VPS41: variants seen among roughly 807,000 people sequenced by gnomAD.
VPS41 encodes vacuolar protein sorting-associated protein 41 homolog.
Under a neutral mutation model 130.9 loss-of-function variants are expected in VPS41, and 85 were observed. The observed-to-expected ratio is 0.65, with a 90% CI of 0.55 to 0.78. VPS41 has a LOEUF of 0.78. VPS41 is among the 30% of genes least tolerant of loss of function. The pLI, the probability that VPS41 is intolerant of heterozygous loss-of-function variation, is 0.00. For synonymous variants in VPS41, 335 were observed against 332.9 expected (o/e 1.01, Z -0.07); for missense variants, 874 against 1,018.7 (o/e 0.86, Z 1.93).
intron 2 of VPS41, among the ~76,000 whole-genome samples, chr7:38,873,473 A>T (rs1051846448): frequency 6.6e-6 from 1 of 152,134 alleles, no homozygotes; most frequent in East Asian, 1.9e-4. Flanking sequence ...GTTTTCATGC[A>T]GTTTGGACTT....
chr7:38,808,904 G>A (rs1220397633), intron 7 of VPS41, among the ~76,000 whole-genome samples: 1 of 152,206 alleles, frequency 6.6e-6, no homozygotes, highest in Non-Finnish European at 1.5e-5. Flanking sequence ...AAAAAGATTT[G>A]TAGCCAGGGG....
intron 2 of VPS41, among the ~76,000 whole-genome samples, chr7:38,895,951 C>T (rs933984844): frequency 1.3e-5 from 2 of 152,180 alleles, no homozygotes; most frequent in African/African-American, 4.8e-5. Context: ...CTCTTTATTT[C>T]TACCCAGTCT....
chr7:38,853,550 G>A (rs569332532), intron 4 of VPS41, among the ~76,000 whole-genome samples: 2 of 151,542 alleles, frequency 1.3e-5, no homozygotes, highest in Non-Finnish European at 2.9e-5. Context: ...AACTGCAAAG[G>A]TGGAGATTCC....
chr7:38,903,210 T>C (rs1340262911), intron 1 of VPS41, among the ~76,000 whole-genome samples: 1 of 152,198 alleles, frequency 6.6e-6, no homozygotes, highest in Non-Finnish European at 1.5e-5. Flanking sequence ...CCTAGAAGAC[T>C]TCTCTCATAC....
intron 7 of VPS41, among the ~76,000 whole-genome samples, chr7:38,813,816 A>C (rs1037510018): frequency 2.1e-4 from 32 of 152,284 alleles, no homozygotes; most frequent in African/African-American, 6.7e-4. Context: ...TGTTATATAC[A>C]TATAAACTTT....
At chr7:38,757,513 G>A (rs1320648528) in intron 18 of VPS41, among the ~76,000 whole-genome samples, 2 of 152,120 alleles carry the variant, frequency 1.3e-5, no homozygotes, top group South Asian at 2.1e-4. Context: ...GGTCCATTAC[G>A]AACGTGCTGC....
At chr7:38,872,591 T>C (rs1786393915) in intron 2 of VPS41, among the ~76,000 whole-genome samples, 1 of 152,170 alleles carries the variant, frequency 6.6e-6, no homozygotes, top group Non-Finnish European at 1.5e-5. Flanking sequence ...CAAGAATAAC[T>C]TTAAGAACTA....
chr7:38,859,468 T>C (rs967420217), intron 4 of VPS41, among the ~76,000 whole-genome samples: 1 of 152,152 alleles, frequency 6.6e-6, no homozygotes, highest in Non-Finnish European at 1.5e-5. Context: ...TGTACAGATG[T>C]ATCATTTGTC....
chr7:38,838,439 G>T (rs1288532119), intron 4 of VPS41, among the ~76,000 whole-genome samples: 1 of 152,170 alleles, frequency 6.6e-6, no homozygotes, highest in Admixed American at 6.5e-5. Context: ...ATAAATGTGG[G>T]AAAGTGAAAG....
intron 14 of VPS41, among the ~76,000 whole-genome samples, chr7:38,768,258 C>A (rs1340094945): frequency 6.6e-6 from 1 of 152,192 alleles, no homozygotes; most frequent in African/African-American, 2.4e-5. Context: ...CTTGCTTGAT[C>A]TCCCCATGAC....
At chr7:38,831,403 T>C (rs1053456626) in intron 4 of VPS41, 3 of 362,292 alleles carry the variant, frequency 8.3e-6, no homozygotes, top group African/African-American at 6.4e-5. Context: ...GTTCAACGAC[T>C]ACATGTGACT....
At chr7:38,842,762 A>G (rs757380898) in intron 4 of VPS41, among the ~76,000 whole-genome samples, 28 of 152,236 alleles carry the variant, frequency 1.8e-4, no homozygotes, top group Admixed American at 9.8e-4. Flanking sequence ...CAATGCAAGC[A>G]TCACCTCCTA....
intron 15 of VPS41, 52 bp from the exon 16 acceptor site, chr7:38,765,713 AAAAC>A (rs1784026465): frequency 8.4e-7 from 1 of 1,197,116 alleles, no homozygotes; most frequent in Non-Finnish European, 1.2e-6. Context: ...AAAAAAACAA[AAAAC>A]AAACAGAGAC....
intron 1 of VPS41, among the ~76,000 whole-genome samples, chr7:38,905,753 A>T (rs748804694): frequency 2.4e-4 from 37 of 152,112 alleles, no homozygotes; most frequent in Non-Finnish European, 4.6e-4. Context: ...TAAAAAGTTC[A>T]ATAGAACAGT....
At chr7:38,767,196 C>T (rs1784062585) in intron 15 of VPS41, among the ~76,000 whole-genome samples, 1 of 152,130 alleles carries the variant, frequency 6.6e-6, no homozygotes, top group Non-Finnish European at 1.5e-5. Flanking sequence ...CTCTTGTCTT[C>T]TGCCAGCAAC....
chr7:38,724,453 A>G lies in VPS41; in HGVS notation c.*1793T>C, dbSNP rs13243890. 2 of 152,354 alleles carry G rather than the reference A, an allele frequency of 1.3e-5. No individual in the cohort carries two copies. The highest frequency in any genetic ancestry group is 3.9e-4 in the East Asian group (2 of 5,190). 9.4% of individuals were successfully genotyped at this position (152,354 alleles called of 1,614,324 possible). A position where few individuals can be genotyped will look rare whatever the true frequency, so the allele number is the denominator to read the frequency against. ...CTGAGAAGGCTGAGGGGTACATTCA[A>G]TAATAACAAAGAGCCTTCCAGTTCT... On this transcript the variant is annotated 3_prime_UTR_variant, in exon 29 of 29. Transcript: ENST00000310301.
intron 17 of VPS41, among the ~76,000 whole-genome samples, chr7:38,761,243 TTC>T (rs55853941): frequency 1.1e-4 from 13 of 123,412 alleles, no homozygotes; most frequent in Admixed American, 3.0e-4. Context: ...TTCTTTGTTT[TTC>T]TCTCTCTCTC....
At position 38,739,921 on chromosome 7, in the gene VPS41, T is replaced by C. The variant is rs573650781; in HGVS notation, c.2259+2064A>G. ...TAGATATTTTTATGTTAGGCATTCATTTTGCATCTAATAATAATTTCATTT... is the reference window on the plus strand; with the variant it reads ...TAGATATTTTTATGTTAGGCATTCACTTTGCATCTAATAATAATTTCATTT... On this transcript the variant is annotated intron_variant, in intron 25 of 28. Transcript: ENST00000310301. 5.3e-5 allele frequency among the ~76,000 whole-genome samples: 8 copies of C among 152,370 alleles called. No homozygotes were observed. In the East Asian group the frequency reaches 1.3e-3, roughly 26 times the overall value.
intron 1 of VPS41, among the ~76,000 whole-genome samples, chr7:38,905,875 C>T (rs1787248884): frequency 6.6e-6 from 1 of 152,140 alleles, no homozygotes; most frequent in South Asian, 2.1e-4. Flanking sequence ...CTCACTGCAA[C>T]CTCTGCCTCC....
Sources: gnomAD v4.1 joint callset for allele counts (sites outside exome capture counted in the v4.1 genomes callset) on GRCh38, gnomAD v4.1.1 for gene constraint, MANE v1.5 for transcripts, NCBI Gene and HGNC (gene_info 2026-07-23, HGNC 2026-07-21) for gene names.